Variants in CNOT3 observed in about 807,000 individuals in gnomAD.
CNOT3 encodes the protein CCR4-associated factor 3.
In CNOT3, 2 loss-of-function variants were observed where a neutral mutation model predicts 89.4. That is an observed-to-expected ratio of 0.02 (90% CI 0.01 to 0.07). The LOEUF is 0.07. Among genes scored for constraint, CNOT3 ranks in the 10% least tolerant of loss-of-function variants. The pLI is 1.00. For missense variants in CNOT3, 664 were observed against 1,010.2 expected (o/e 0.66, Z 4.65); for synonymous variants, 486 against 402.0 (o/e 1.21, Z -2.50).
intron 1 of CNOT3, among the ~76,000 whole-genome samples, chr19:54,140,481 C>T (rs587699135): frequency 3.3e-5 from 5 of 152,138 alleles, no homozygotes; most frequent in African/African-American, 4.8e-5. Context: ...TCTTCTCTGG[C>T]GGCGTCTCTG....
At chr19:54,149,165 G>A (rs148436719) in intron 12 of CNOT3, among the ~76,000 whole-genome samples, 203 of 152,224 alleles carry the variant, frequency 1.3e-3, no homozygotes, top group African/African-American at 4.5e-3. Flanking sequence ...CCTGTTTCCC[G>A]AAGAATGCCC....
At position 54,145,395 on chromosome 19, in the gene CNOT3, G is replaced by A; in HGVS notation, c.484-203G>A. On this transcript the variant is annotated intron_variant, in intron 7 of 17. Transcript: ENST00000221232. This position sits in a 1 kb window ranked among gnomAD's most constrained non-coding sequence, Gnocchi z 5.9. Reference sequence around the variant, plus strand: ...AGGTGTGGGGAGAGGAGGGAGCAGTGGGATCCCAAGATGTCAAGGCTAAGA... The same window carrying A: ...AGGTGTGGGGAGAGGAGGGAGCAGTAGGATCCCAAGATGTCAAGGCTAAGA... The A allele has an allele frequency of 1.7e-6, 1 of 597,910 alleles. No homozygotes were observed. The highest frequency in any genetic ancestry group is 3.0e-5 in the Admixed American group (1 of 33,612). The allele number at this position is 597,910 out of a possible 1,614,324, so 37.0% of individuals were successfully genotyped here. A position where few individuals can be genotyped will look rare whatever the true frequency, so the allele number is the denominator to read the frequency against.
At chr19:54,139,055 A>G (rs372518189) in intron 1 of CNOT3, among the ~76,000 whole-genome samples, 34 of 152,274 alleles carry the variant, frequency 2.2e-4, no homozygotes, top group African/African-American at 8.2e-4. Flanking sequence ...GCCTGGTGAA[A>G]GACACTAAGC....
At chr19:54,143,248 C>T in intron 3 of CNOT3, 62 bp downstream of exon 3, 1 of 1,477,098 alleles carries the variant, frequency 6.8e-7, no homozygotes, top group Non-Finnish European at 9.4e-7. Context: ...GAAGGCGGCT[C>T]AGGACCTCTG....
chr19:54,149,778 C>T lies in CNOT3; in HGVS notation c.1605+20C>T, dbSNP rs1377253366. 2 of 1,581,176 alleles carry T rather than the reference C, an allele frequency of 1.3e-6. No homozygotes were observed. The highest frequency in any genetic ancestry group is 1.7e-6 in the Non-Finnish European group (2 of 1,162,044). ...ATCAAGGTGGGCTCCTCGGACATCC[C>T]CCGAGCCTCTGTGTCCTGACTCTGT... On this transcript the variant is annotated intron_variant, in intron 13 of 17. Transcript: ENST00000221232.
In CNOT3 at chr19:54,144,353, A is replaced by G. The variant is rs2146577528; in HGVS notation, c.483+21A>G. The G allele has an allele frequency of 6.3e-7, 1 of 1,583,204 alleles. No homozygotes were observed. The highest frequency in any genetic ancestry group is 8.7e-7 in the Non-Finnish European group (1 of 1,152,618). On this transcript the variant is annotated intron_variant, in intron 7 of 17. Transcript: ENST00000221232. This position sits in a 1 kb window ranked among gnomAD's most constrained non-coding sequence, Gnocchi z 4.8. Reference sequence around the variant, plus strand: ...AGGATGTGAGTGAGGGAGACCCGACACCTTTGGGATGGGGATGGGCATGGG... The same window carrying G: ...AGGATGTGAGTGAGGGAGACCCGACGCCTTTGGGATGGGGATGGGCATGGG...
At position 54,148,241 on chromosome 19, in the gene CNOT3, G is replaced by C. The variant is rs954677471; in HGVS notation, c.988G>C (p.Ala330Pro). Residue 330 changes from alanine (A) to proline (P), a missense_variant, in exon 11 of 18, where the codon GCT becomes CCT. Ala to Pro is a conservative substitution (Grantham distance 27). Around this residue, in one of 8 missense-constraint regions of CNOT3, gnomAD observed 545 missense variants for 566.2 expected, o/e 0.96. Transcript: ENST00000221232. This position sits in a 1 kb window ranked among gnomAD's most constrained non-coding sequence, Gnocchi z 6.3. ...PPTYPSGPPP[A>P]ASALSTTPGN... Reference sequence around the variant, plus strand: ...CACCTACCCCTCCGGCCCCCCGCCTGCTGCCTCTGCCTTGAGCACCACTCC... The same window carrying C: ...CACCTACCCCTCCGGCCCCCCGCCTCCTGCCTCTGCCTTGAGCACCACTCC... The C allele has an allele frequency of 6.3e-7, 1 of 1,596,870 alleles. No individual in the cohort carries two copies. Among genetic ancestry groups the C allele is most frequent in the East Asian group, 2.3e-5 (1 of 43,772 alleles).
intron 10 of CNOT3, among the ~76,000 whole-genome samples, chr19:54,147,666 G>A (rs1439843503): frequency 1.3e-5 from 2 of 152,192 alleles, no homozygotes; most frequent in African/African-American, 4.8e-5. Flanking sequence ...CCACTTTCTG[G>A]AGTGCTGGTA....
chr19:54,153,251 C>G (rs1390147933), intron 16 of CNOT3: 1 of 763,044 alleles, frequency 1.3e-6, no homozygotes, highest in East Asian at 2.4e-5. Context: ...GCCCCGCTTC[C>G]AGTTGCCCAC....
Position 54,148,012 on chromosome 19 carries a change from C to A in CNOT3, c.895-136C>A, listed in dbSNP as rs1296619821. The A allele has an allele frequency of 5.2e-6, 3 of 576,186 alleles. No individual in the cohort carries two copies. Among genetic ancestry groups the A allele is most frequent in the Non-Finnish European group, 8.6e-6 (3 of 349,710 alleles). The allele number at this position is 576,186 out of a possible 1,614,324, so 35.7% of individuals were successfully genotyped here. ...GGGTGAGTAAGGTCACCCAGGTCCCCAAGAGGGCAGGAGCAGGTGGGGGCA... is the reference window on the plus strand; with the variant it reads ...GGGTGAGTAAGGTCACCCAGGTCCCAAAGAGGGCAGGAGCAGGTGGGGGCA... On this transcript the variant is annotated intron_variant, in intron 10 of 17. Coordinates refer to ENST00000221232, the MANE Select transcript of CNOT3 (RefSeq NM_014516.4). This position sits in a 1 kb window ranked among gnomAD's most constrained non-coding sequence, Gnocchi z 6.3.
At chr19:54,153,669 C>G in intron 16 of CNOT3, 46 bp from the exon 17 acceptor site, 1 of 1,539,740 alleles carries the variant, frequency 6.5e-7, no homozygotes, top group Non-Finnish European at 9.0e-7. Flanking sequence ...GCTCCCCACC[C>G]AGTTTGGGGG....
chr19:54,154,211 G>A (rs547209809), intron 17 of CNOT3: 11 of 423,544 alleles, frequency 2.6e-5, no homozygotes, highest in Admixed American at 1.8e-4. Flanking sequence ...GGACCTTGAT[G>A]GCCCCCACTT....
rs1016567919 is a variant in CNOT3 at position 54,152,489 on chromosome 19, A to G, written c.1767A>G (p.Ser589=). ...PASAQPPLQL[S]EVNIPLSLGV... ...CAGCCCAGCCGCCCCTGCAGCTGTC[A>G]GAGGTGAACATACCGCTGTCGCTGG... Residue 589 remains serine, a synonymous_variant, in exon 15 of 18, where the codon TCA becomes TCG. Coordinates refer to ENST00000221232, the MANE Select transcript of CNOT3 (RefSeq NM_014516.4). 24 of 1,614,090 alleles carry G rather than the reference A, an allele frequency of 1.5e-5. No homozygotes were observed. Among genetic ancestry groups the G allele is most frequent in the Non-Finnish European group, 2.0e-5 (24 of 1,180,034 alleles).
chr19:54,155,237 TTGTC>T (rs756294496), intron 17 of CNOT3, 68 bp from the exon 18 acceptor site: 14 of 1,579,972 alleles, frequency 8.9e-6, no homozygotes, highest in Admixed American at 1.8e-5. Context: ...ATTGTCCCCT[TTGTC>T]TGTTGGTCCG....
At chr19:54,143,596 A>G (rs900220200) in intron 4 of CNOT3, 64 bp from the exon 5 acceptor site, 1 of 1,603,608 alleles carries the variant, frequency 6.2e-7, no homozygotes, top group Non-Finnish European at 8.5e-7. Context: ...TCCCAGGGAG[A>G]AGGAGCTGTG....
At chr19:54,143,072 C>A in intron 2 of CNOT3, 47 bp from the exon 3 acceptor site, 2 of 1,612,094 alleles carry the variant, frequency 1.2e-6, no homozygotes, top group African/African-American at 1.3e-5. Context: ...TCTTTAGATA[C>A]CTGCCACCTG....
In CNOT3 at chr19:54,148,473, G is replaced by GTA; in HGVS notation, c.1220_1221insTA (p.Ser408ArgfsTer36). 6.4e-7 allele frequency: 1 copy of GTA among 1,559,972 alleles called. No individual in the cohort carries two copies. Among genetic ancestry groups the GTA allele is most frequent in the Admixed American group, 1.8e-5 (1 of 55,684 alleles). On this transcript the variant is annotated frameshift_variant, in exon 11 of 18. Transcript: ENST00000221232. LOFTEE classifies it high-confidence loss of function. The surrounding 1 kb of genome is among the most constrained non-coding windows in gnomAD (Gnocchi z 6.3). ...GGAGGCGGCGGCAGCGGAGGCGGAG[G>GTA]GAGCAGCAGCAGTAGTAACAGCAGT...
Position 54,155,374 on chromosome 19 carries a change from G to A in CNOT3, c.2229G>A (p.Glu743=), listed in dbSNP as rs1382776673. 6.2e-7 allele frequency: 1 copy of A among 1,612,458 alleles called. No individual in the cohort carries two copies. Among genetic ancestry groups the A allele is most frequent in the South Asian group, 1.1e-5 (1 of 90,866 alleles). Residue 743 remains glutamate (E), a synonymous_variant, in exon 18 of 18, where the codon GAG becomes GAA. Transcript: ENST00000221232. ...GQRKKEGFTF[E]YRYLEDRDLQ Reference sequence around the variant, plus strand: ...GGAAGAAGGAAGGCTTCACCTTTGAGTACCGCTACCTGGAGGACCGGGACC... The same window carrying A: ...GGAAGAAGGAAGGCTTCACCTTTGAATACCGCTACCTGGAGGACCGGGACC...
In CNOT3 at chr19:54,145,025, A is replaced by G. The variant is rs1347205868; in HGVS notation, c.484-573A>G. 1.3e-5 allele frequency among the ~76,000 whole-genome samples: 2 copies of G among 151,934 alleles called. No homozygotes were observed. Among genetic ancestry groups the G allele is most frequent in the African/African-American group, 2.4e-5 (1 of 41,326 alleles). On this transcript the variant is annotated intron_variant, in intron 7 of 17. Transcript: ENST00000221232. The surrounding 1 kb of genome is among the most constrained non-coding windows in gnomAD (Gnocchi z 5.9). ...TGATGGGTCCTTGAACAGAGCAGAG[A>G]TTTGGAACCAAGGCTAAGATGTTAA... is the stretch of plus-strand genomic sequence containing the variant.
Sources: allele counts gnomAD v4.1 joint callset (sites outside exome capture counted in the v4.1 genomes callset), GRCh38; gene constraint gnomAD v4.1.1; regional missense constraint gnomAD v4.1.1; non-coding constraint Gnocchi (gnomAD v3.1); transcripts MANE v1.5; gene names NCBI Gene and HGNC (gene_info 2026-07-23, HGNC 2026-07-21).